The following SYCE3 variants were observed in gnomAD, a reference collection of about 807,000 sequenced individuals.
The protein encoded by SYCE3 is synaptonemal complex central element protein 3, also known as testis highly expressed gene 2 protein.
In SYCE3, 3 loss-of-function variants were observed where a neutral mutation model predicts 8.1. The observed-to-expected ratio is 0.37, with a 90% CI of 0.17 to 0.96. SYCE3 has a LOEUF of 0.96. Ranked by LOEUF, SYCE3 falls within the 40% of genes least tolerant of loss-of-function variation. The probability of loss-of-function intolerance (pLI) is 0.41; values close to 1 mark genes in which losing one functional copy is unlikely to be tolerated. For missense variants in SYCE3, 83 were observed against 110.0 expected (o/e 0.75, Z 1.10); for synonymous variants, 36 against 38.7 (o/e 0.93, Z 0.26).
chr22:50,557,610 CA>C (rs1194005763), intron 1 of SYCE3, among the ~76,000 whole-genome samples: 2 of 152,172 alleles, frequency 1.3e-5, no homozygotes, highest in Non-Finnish European at 2.9e-5. Context: ...AAATGTTGAA[CA>C]GTAATTACAT....
chr22:50,557,820 C>T (rs1383791764), intron 1 of SYCE3, among the ~76,000 whole-genome samples: 1 of 152,184 alleles, frequency 6.6e-6, no homozygotes, highest in East Asian at 1.9e-4. Flanking sequence ...GGATGGGCCA[C>T]AGATGCTGCG....
intron 1 of SYCE3, among the ~76,000 whole-genome samples, chr22:50,558,988 T>C (rs1436869018): frequency 6.6e-6 from 1 of 152,208 alleles, no homozygotes; most frequent in Non-Finnish European, 1.5e-5. Flanking sequence ...AATTCTCTTC[T>C]CTTGATGTTT....
chr22:50,554,462 G>C (rs1240889535), intron 2 of SYCE3, among the ~76,000 whole-genome samples: 1 of 152,158 alleles, frequency 6.6e-6, no homozygotes, highest in East Asian at 1.9e-4. Flanking sequence ...AGGAGGCCAA[G>C]GCAGGTGGAT....
chr22:50,560,922 G>A (rs2069908499), intron 1 of SYCE3, among the ~76,000 whole-genome samples: 1 of 152,180 alleles, frequency 6.6e-6, no homozygotes, highest in African/African-American at 2.4e-5. Flanking sequence ...AAATGGCAAT[G>A]AAAAGTTTCT....
intron 1 of SYCE3, among the ~76,000 whole-genome samples, chr22:50,559,732 C>T (rs916212533): frequency 4.0e-5 from 6 of 151,860 alleles, no homozygotes; most frequent in African/African-American, 7.3e-5. Flanking sequence ...GTTCGAGACC[C>T]GCCTGGCCAA....
intron 1 of SYCE3, among the ~76,000 whole-genome samples, chr22:50,561,355 G>A (rs1303065998): frequency 6.6e-6 from 1 of 152,104 alleles, no homozygotes; most frequent in South Asian, 2.1e-4. Context: ...CAGGGAGAGG[G>A]TGTGAGAGCT....
chr22:50,555,942 T>C (rs2069856178), intron 2 of SYCE3, among the ~76,000 whole-genome samples: 1 of 151,960 alleles, frequency 6.6e-6, no homozygotes, highest in Non-Finnish European at 1.5e-5. Flanking sequence ...TACAGGTGCC[T>C]GCCACCACAC....
chr22:50,562,838 G>C lies in SYCE3; in HGVS notation c.-1+20C>G, dbSNP rs6010009. ...GCGCGTTGGGAGGGCCGGGGCCCAGGGGGGCGCGGCCTCGCTCACCTCCAG... is the reference window on the plus strand; with the variant it reads ...GCGCGTTGGGAGGGCCGGGGCCCAGCGGGGCGCGGCCTCGCTCACCTCCAG... On this transcript the variant is annotated intron_variant, in intron 1 of 2. Coordinates refer to ENST00000406915, the MANE Select transcript of SYCE3 (RefSeq NM_001123225.3). 699 of 152,272 alleles carry C rather than the reference G, an allele frequency of 4.6e-3. 4 individuals are homozygous for C. Among genetic ancestry groups the C allele is most frequent in the Middle Eastern group, 0.01 (3 of 296 alleles). 9.4% of individuals were successfully genotyped at this position (152,272 alleles called of 1,614,324 possible).
intron 2 of SYCE3, among the ~76,000 whole-genome samples, chr22:50,555,686 A>G (rs1274724052): frequency 6.6e-6 from 1 of 152,164 alleles, no homozygotes; most frequent in Non-Finnish European, 1.5e-5. Flanking sequence ...TCTTTAGACC[A>G]TAACTCTTTC....
At chr22:50,552,879 T>C (rs974045359) in intron 2 of SYCE3, among the ~76,000 whole-genome samples, 2 of 152,040 alleles carry the variant, frequency 1.3e-5, no homozygotes, top group African/African-American at 4.8e-5. Flanking sequence ...TATGCAAGGA[T>C]ATGTGAGGCT....
chr22:50,555,750 C>G (rs2069853804), intron 2 of SYCE3, among the ~76,000 whole-genome samples: 2 of 151,984 alleles, frequency 1.3e-5, no homozygotes, highest in African/African-American at 4.8e-5. Flanking sequence ...GGAATCATCC[C>G]CCTTTGAGTT....
intron 1 of SYCE3, among the ~76,000 whole-genome samples, chr22:50,561,541 A>AGC (rs1455781803): frequency 7.9e-4 from 30 of 37,770 alleles, no homozygotes; most frequent in African/African-American, 1.6e-3. Context: ...GGGCGGGAGG[A>AGC]GTGTGGGGCG....
chr22:50,560,430 G>A (rs2069903322), intron 1 of SYCE3, among the ~76,000 whole-genome samples: 1 of 152,158 alleles, frequency 6.6e-6, no homozygotes. Context: ...CTAGGCTACA[G>A]AGGAAGATCT....
At chr22:50,552,102 G>A (rs960909011) in intron 2 of SYCE3, among the ~76,000 whole-genome samples, 9 of 152,180 alleles carry the variant, frequency 5.9e-5, no homozygotes, top group East Asian at 1.9e-4. Context: ...ATAGTCCACC[G>A]GCTGGTGTGG....
intron 2 of SYCE3, among the ~76,000 whole-genome samples, chr22:50,551,865 C>T (rs925632399): frequency 6.6e-6 from 1 of 152,180 alleles, no homozygotes; most frequent in Non-Finnish European, 1.5e-5. Context: ...GGATGCCTGC[C>T]CACCTCCACC....
chr22:50,552,778 G>GTCTT (rs2069823231), intron 2 of SYCE3, among the ~76,000 whole-genome samples: 1 of 152,164 alleles, frequency 6.6e-6, no homozygotes, highest in South Asian at 2.1e-4. Flanking sequence ...AGGAGGTCGG[G>GTCTT]TCTTTTGGAG....
chr22:50,557,297 C>T (rs1366769130), intron 1 of SYCE3, among the ~76,000 whole-genome samples: 1 of 151,886 alleles, frequency 6.6e-6, no homozygotes, highest in East Asian at 1.9e-4. Context: ...GCTGGGATTA[C>T]AGGCAAGTGC....
intron 1 of SYCE3, among the ~76,000 whole-genome samples, chr22:50,557,269 G>A (rs2146596807): frequency 6.6e-6 from 1 of 150,896 alleles, no homozygotes; most frequent in African/African-American, 2.4e-5. Context: ...TGATTCTCCT[G>A]CCTCAGCCTC....
At chr22:50,552,606 T>C (rs2069821185) in intron 2 of SYCE3, among the ~76,000 whole-genome samples, 1 of 151,982 alleles carries the variant, frequency 6.6e-6, no homozygotes, top group Admixed American at 6.6e-5. Context: ...TATATATACA[T>C]AAATCTCAGT....
Sources: gnomAD v4.1 joint callset for allele counts (sites outside exome capture counted in the v4.1 genomes callset) on GRCh38, gnomAD v4.1.1 for gene constraint, MANE v1.5 for transcripts, NCBI Gene and HGNC (gene_info 2026-07-23, HGNC 2026-07-21) for gene names.